Variants in ST8SIA1 observed in about 807,000 individuals in gnomAD.
ST8SIA1 encodes the protein ST8 alpha-N-acetyl-neuraminide alpha-2,8-sialyltransferase 1, also known as alpha-N-acetylneuraminide alpha-2,8-sialyltransferase.
In ST8SIA1, 16 loss-of-function variants were observed where a neutral mutation model predicts 35.9. The ratio of observed to expected loss-of-function variants is 0.45; its 90% CI spans 0.30 to 0.68. The LOEUF is 0.68. Among genes scored for constraint, ST8SIA1 ranks in the 30% least tolerant of loss-of-function variants. The probability of loss-of-function intolerance (pLI) is 0.09; values close to 1 mark genes in which losing one functional copy is unlikely to be tolerated. For missense variants in ST8SIA1, 383 were observed against 453.6 expected, an observed-to-expected ratio of 0.84 and a Z score of 1.41; for synonymous variants, 170 against 169.6, an observed-to-expected ratio of 1.00 and a Z score of -0.02.
intron 1 of ST8SIA1, chr12:22,324,298 C>A (rs1225647639): frequency 3.3e-5 from 5 of 152,042 alleles, no homozygotes; most frequent in African/African-American, 1.2e-4. Context: ...AAAAAAAGAA[C>A]TGGCGCTTCA....
At chr12:22,209,193 C>T (rs1479142256) in intron 4 of ST8SIA1, among the ~76,000 whole-genome samples, 1 of 152,000 alleles carries the variant, frequency 6.6e-6, no homozygotes, top group African/African-American at 2.4e-5. Context: ...ACATACATGA[C>T]AAGGGATTAG....
intron 4 of ST8SIA1, among the ~76,000 whole-genome samples, chr12:22,224,657 A>G (rs1865336178): frequency 6.6e-6 from 1 of 152,088 alleles, no homozygotes; most frequent in Admixed American, 6.5e-5. Context: ...ACACATTTTA[A>G]ATTTTTGGAG....
chr12:22,268,313 G>A (rs767348685), intron 2 of ST8SIA1, among the ~76,000 whole-genome samples: 3 of 152,178 alleles, frequency 2.0e-5, no homozygotes, highest in Non-Finnish European at 2.9e-5. Context: ...TTAAAGTCTA[G>A]CACACCAGAG....
chr12:22,307,752 C>A (rs1451006449), intron 1 of ST8SIA1, among the ~76,000 whole-genome samples: 4 of 152,160 alleles, frequency 2.6e-5, no homozygotes, highest in Admixed American at 1.3e-4. Context: ...CTATTTTCTT[C>A]TCTTCCACTA....
chr12:22,253,924 CAAAT>C (rs895396394), intron 3 of ST8SIA1, among the ~76,000 whole-genome samples: 2 of 152,198 alleles, frequency 1.3e-5, no homozygotes, highest in African/African-American at 4.8e-5. Context: ...GAAACTCTCT[CAAAT>C]AAAGTTTTTA....
chr12:22,210,077 T>A (rs1027096451), intron 4 of ST8SIA1, among the ~76,000 whole-genome samples: 18 of 152,222 alleles, frequency 1.2e-4, no homozygotes, highest in African/African-American at 4.1e-4. Context: ...ATATCCATAT[T>A]ATGATACATG....
rs139457702 is a variant in ST8SIA1, at chr12:22,240,026, T to G, written c.584+8980A>C. Among the ~76,000 whole-genome samples the G allele has an allele frequency of 7.6e-3, 1,153 of 152,282 alleles. 8 individuals carry two copies. Among genetic ancestry groups the G allele is most frequent in the Middle Eastern group, 0.014 (4 of 294 alleles). On this transcript the variant is annotated intron_variant, in intron 4 of 4. Coordinates refer to ENST00000396037, the MANE Select transcript of ST8SIA1 (RefSeq NM_003034.4). ...ATATTCTTGGAAATTTCTCTAAATC[T>G]GATGAGTACAATAATGTATTAAATA...
At position 22,244,111 on chromosome 12, in the gene ST8SIA1, G is replaced by A. The variant is rs577939385; in HGVS notation, c.584+4895C>T. ...ATATAGAACTTACACTCTAGTATAC[G>A]TCTCGAACTCAATTATGTCAAAAAA... is the stretch of plus-strand genomic sequence containing the variant. On this transcript the variant is annotated intron_variant, in intron 4 of 4. Transcript: ENST00000396037. Among the ~76,000 whole-genome samples, 4 of 152,120 alleles carry A rather than the reference G, an allele frequency of 2.6e-5. 1 individual carries two copies. Among genetic ancestry groups the A allele is most frequent in the East Asian group, 3.9e-4 (2 of 5,180 alleles).
intron 4 of ST8SIA1, among the ~76,000 whole-genome samples, chr12:22,227,525 T>C (rs1440641707): frequency 6.6e-6 from 1 of 151,972 alleles, no homozygotes; most frequent in Non-Finnish European, 1.5e-5. Context: ...TTAGCCGAGA[T>C]CGTGCCATTG....
At chr12:22,332,677 A>C (rs1452081566) in intron 1 of ST8SIA1, among the ~76,000 whole-genome samples, 2 of 152,196 alleles carry the variant, frequency 1.3e-5, no homozygotes, top group Non-Finnish European at 1.5e-5. Flanking sequence ...CCTTCCAAGG[A>C]GAATGCAGTT....
chr12:22,264,730 T>G (rs1865828296), intron 2 of ST8SIA1, among the ~76,000 whole-genome samples: 2 of 152,212 alleles, frequency 1.3e-5, no homozygotes, highest in Admixed American at 6.5e-5. Flanking sequence ...ATGTTAATTA[T>G]AGAATATTTG....
At chr12:22,247,455 TA>T (rs1373386384) in intron 4 of ST8SIA1, among the ~76,000 whole-genome samples, 1 of 151,348 alleles carries the variant, frequency 6.6e-6, no homozygotes, top group Non-Finnish European at 1.5e-5. Context: ...ATTGTTTTAA[TA>T]AAAAAATTTC....
intron 2 of ST8SIA1, among the ~76,000 whole-genome samples, chr12:22,281,456 T>G (rs549136006): frequency 1.4e-4 from 22 of 152,268 alleles, no homozygotes; most frequent in Admixed American, 1.1e-3. Context: ...TTACCTTAAT[T>G]ATTCAATAGT....
Position 22,290,802 on chromosome 12 carries a change from A to C in ST8SIA1, c.237-3509T>G, listed in dbSNP as rs73251946. ...GACCAGCTTTTAGAATTTTTAGCGA[A>C]TTTGGCTCCTATCTCCTTTTTCATG... On this transcript the variant is annotated intron_variant, in intron 1 of 4. Coordinates refer to ENST00000396037, the MANE Select transcript of ST8SIA1 (RefSeq NM_003034.4). 4.1e-4 allele frequency among the ~76,000 whole-genome samples: 62 copies of C among 152,262 alleles called. 1 individual carries two copies. Among genetic ancestry groups the C allele is most frequent in the African/African-American group, 1.5e-3 (62 of 41,558 alleles).
intron 1 of ST8SIA1, among the ~76,000 whole-genome samples, chr12:22,301,080 G>T (rs7311021): frequency 0.056 from 8,538 of 152,030 alleles, 763 homozygotes; most frequent in African/African-American, 0.19. Flanking sequence ...TGCCACAGAG[G>T]TAATAAATTT....
chr12:22,330,310 C>A (rs1866745352), intron 1 of ST8SIA1, among the ~76,000 whole-genome samples: 1 of 152,182 alleles, frequency 6.6e-6, no homozygotes, highest in Non-Finnish European at 1.5e-5. Flanking sequence ...ACGTATTAAA[C>A]AGAGCTATGT....
At chr12:22,247,359 G>C (rs1345007722) in intron 4 of ST8SIA1, among the ~76,000 whole-genome samples, 2 of 152,016 alleles carry the variant, frequency 1.3e-5, no homozygotes, top group Non-Finnish European at 2.9e-5. Context: ...TGTCACCTTT[G>C]GGGGAAACTG....
intron 1 of ST8SIA1, among the ~76,000 whole-genome samples, chr12:22,330,156 C>T (rs1866741389): frequency 6.6e-6 from 1 of 152,164 alleles, no homozygotes; most frequent in South Asian, 2.1e-4. Flanking sequence ...CCTCTTACCA[C>T]TATGCCACCC....
intron 4 of ST8SIA1, among the ~76,000 whole-genome samples, chr12:22,206,772 G>A (rs1488828854): frequency 3.3e-5 from 5 of 152,186 alleles, no homozygotes; most frequent in Non-Finnish European, 2.9e-5. Context: ...GCCAAGCTCA[G>A]AAGACACTGA....
Sources: allele counts gnomAD v4.1 joint callset (sites outside exome capture counted in the v4.1 genomes callset), GRCh38; gene constraint gnomAD v4.1.1; transcripts MANE v1.5; gene names NCBI Gene and HGNC (gene_info 2026-07-23, HGNC 2026-07-21).